Variants in CNOT10 observed in about 807,000 individuals in gnomAD.
The protein encoded by CNOT10 is CCR4-NOT transcription complex subunit 10, also known as CCR4-NOT transcription complex, subunit 10.
A neutral mutation model predicts 94.6 loss-of-function variants in CNOT10; 30 were observed. The observed-to-expected ratio is 0.32, with a 90% CI of 0.24 to 0.43. The LOEUF (loss-of-function observed/expected upper bound fraction) is 0.43. Ranked by LOEUF, CNOT10 falls within the 20% of genes least tolerant of loss-of-function variation. The pLI is 1.00. For synonymous variants in CNOT10, 289 were observed against 301.6 expected, an observed-to-expected ratio of 0.96 and a Z score of 0.43; for missense variants, 759 against 877.2, an observed-to-expected ratio of 0.87 and a Z score of 1.70.
chr3:32,741,004 C>T (rs1033594902), intron 13 of CNOT10, among the ~76,000 whole-genome samples: 1 of 152,088 alleles, frequency 6.6e-6, no homozygotes, highest in Non-Finnish European at 1.5e-5. Flanking sequence ...CCGTGCCTAA[C>T]CCAGAACATT....
chr3:32,750,677 G>T (rs1005918710), intron 13 of CNOT10, among the ~76,000 whole-genome samples: 1 of 151,716 alleles, frequency 6.6e-6, no homozygotes, highest in Non-Finnish European at 1.5e-5. Flanking sequence ...TCAGCCTCCT[G>T]AGTAGCTGGG....
At chr3:32,701,400 ACT>A (rs1393747373) in intron 1 of CNOT10, among the ~76,000 whole-genome samples, 1 of 152,082 alleles carries the variant, frequency 6.6e-6, no homozygotes, top group Non-Finnish European at 1.5e-5. Context: ...ATTGGCTTAG[ACT>A]CTTTTGAAAA....
intron 13 of CNOT10, among the ~76,000 whole-genome samples, chr3:32,749,013 G>T (rs767925172): frequency 2.1e-4 from 32 of 151,332 alleles, no homozygotes; most frequent in East Asian, 5.8e-4. Context: ...GTAGAGATGG[G>T]GTTTCACCAT....
At chr3:32,697,505 C>CTT (rs916321526) in intron 1 of CNOT10, among the ~76,000 whole-genome samples, 1 of 152,082 alleles carries the variant, frequency 6.6e-6, no homozygotes, top group African/African-American at 2.4e-5. Flanking sequence ...GGGTTTCACT[C>CTT]TGTCACCCAG....
chr3:32,752,916 GA>G, intron 13 of CNOT10: 1 of 398,258 alleles, frequency 2.5e-6, no homozygotes. Flanking sequence ...GAGGATGGCG[GA>G]AGCTGCAGCA....
intron 13 of CNOT10, among the ~76,000 whole-genome samples, chr3:32,743,537 G>A (rs1193203326): frequency 6.6e-6 from 1 of 152,102 alleles, no homozygotes; most frequent in Non-Finnish European, 1.5e-5. Context: ...GGGAGGCTGA[G>A]GCAGGAGAAT....
chr3:32,714,779 A>G (rs764211301), intron 5 of CNOT10, among the ~76,000 whole-genome samples: 1 of 152,152 alleles, frequency 6.6e-6, no homozygotes, highest in Non-Finnish European at 1.5e-5. Context: ...GGTGCCCAGT[A>G]TGAGTATATC....
Position 32,766,210 on chromosome 3 carries a change from G to A in CNOT10, c.2004+1401G>A, listed in dbSNP as rs1340385398. On this transcript the variant is annotated intron_variant, in intron 17 of 18. Coordinates refer to ENST00000328834, the MANE Select transcript of CNOT10 (RefSeq NM_015442.3). Reference sequence around the variant, plus strand: ...AATAGAGACGGGGTTTCTCCATGTTGAGGCTGGTCTCGAACTCCTGGCCTC... The same window carrying A: ...AATAGAGACGGGGTTTCTCCATGTTAAGGCTGGTCTCGAACTCCTGGCCTC... Among the ~76,000 whole-genome samples, 2 of 46,558 alleles carry A rather than the reference G, an allele frequency of 4.3e-5. 1 individual carries two copies. The highest frequency in any genetic ancestry group is 9.5e-5 in the Non-Finnish European group (2 of 21,044). The allele number at this position is 46,558 out of a possible 152,430, so 30.5% of individuals were successfully genotyped here.
At chr3:32,690,759 G>A (rs1436934238) in intron 1 of CNOT10, among the ~76,000 whole-genome samples, 1 of 151,984 alleles carries the variant, frequency 6.6e-6, no homozygotes, top group African/African-American at 2.4e-5. Flanking sequence ...ATGTTGGCCA[G>A]GCTGGTCTCT....
intron 13 of CNOT10, among the ~76,000 whole-genome samples, chr3:32,752,360 T>C (rs1036787161): frequency 7.2e-5 from 11 of 152,076 alleles, no homozygotes; most frequent in African/African-American, 2.7e-4. Context: ...TGTGGATAAA[T>C]CATTTAACCC....
chr3:32,720,497 T>TTTTTA (rs1214318825), intron 8 of CNOT10, among the ~76,000 whole-genome samples: 2 of 151,570 alleles, frequency 1.3e-5, no homozygotes, highest in Admixed American at 6.6e-5. Context: ...ACCTTTTTTA[T>TTTTTA]TTTTATTTTA....
At chr3:32,765,052 A>G in intron 17 of CNOT10, 1 of 1,323,640 alleles carries the variant, frequency 7.6e-7, no homozygotes, top group Non-Finnish European at 9.9e-7. Context: ...TTTGCCAGGC[A>G]CAGTGGCTCA....
chr3:32,743,268 T>C (rs1699552167), intron 13 of CNOT10, among the ~76,000 whole-genome samples: 2 of 152,228 alleles, frequency 1.3e-5, no homozygotes, highest in African/African-American at 4.8e-5. Context: ...ATTACAGGCA[T>C]GAGCCACCCA....
intron 13 of CNOT10, among the ~76,000 whole-genome samples, chr3:32,750,524 A>G (rs1699918904): frequency 6.6e-6 from 1 of 152,100 alleles, no homozygotes. Flanking sequence ...GTAATTTCAT[A>G]GATTTAGTCA....
At chr3:32,756,425 G>C (rs144618787) in intron 13 of CNOT10, among the ~76,000 whole-genome samples, 1 of 152,318 alleles carries the variant, frequency 6.6e-6, no homozygotes, top group Non-Finnish European at 1.5e-5. Flanking sequence ...TTACATGACT[G>C]ATTTCTGGAC....
At chr3:32,730,755 A>G (rs1036061612) in intron 10 of CNOT10, 1 of 152,314 alleles carries the variant, frequency 6.6e-6, no homozygotes, top group Non-Finnish European at 1.5e-5. Context: ...TAAGGAGGAC[A>G]TTTTGTCCTG....
intron 18 of CNOT10, among the ~76,000 whole-genome samples, chr3:32,772,229 A>G (rs184321818): frequency 6.6e-6 from 1 of 152,354 alleles, no homozygotes; most frequent in African/African-American, 2.4e-5. Flanking sequence ...ATACAGTTGT[A>G]GTTCCAGCTA....
rs1697738352 is a variant in CNOT10 at position 32,708,765 on chromosome 3, G to A, written c.375G>A (p.Gln125=). 2 of 1,613,346 alleles carry A rather than the reference G, an allele frequency of 1.2e-6. No individual in the cohort carries two copies. Among genetic ancestry groups the A allele is most frequent in the East Asian group, 4.5e-5 (2 of 44,812 alleles). The change falls in exon 4 of 19, where the codon CAG becomes CAA. Residue 125 remains glutamine, a synonymous_variant. Transcript: ENST00000328834. ...CAGTCATTCTTTATCATCTGCGGCAGTATACAGAAGCCATATCAGTTGGTG... is the reference window on the plus strand; with the variant it reads ...CAGTCATTCTTTATCATCTGCGGCAATATACAGAAGCCATATCAGTTGGTG... The part of the protein sequence containing the change: ...NQAVILYHLR[Q]YTEAISVGEK...
chr3:32,709,636 TCTC>T (rs1697781122), intron 4 of CNOT10, among the ~76,000 whole-genome samples: 1 of 152,056 alleles, frequency 6.6e-6, no homozygotes, highest in Admixed American at 6.6e-5. Context: ...CTGAGGTGCT[TCTC>T]TTCTTTCCCT....
Sources: gnomAD v4.1 joint callset for allele counts (sites outside exome capture counted in the v4.1 genomes callset) on GRCh38, gnomAD v4.1.1 for gene constraint, MANE v1.5 for transcripts, NCBI Gene and HGNC (gene_info 2026-07-23, HGNC 2026-07-21) for gene names.